ARX: variants seen among roughly 807,000 people sequenced by gnomAD.
ARX encodes the protein aristaless related homeobox, also known as homeobox protein ARX.
Under a neutral mutation model 23.1 loss-of-function variants are expected in ARX, and 1 was observed. That is an observed-to-expected ratio of 0.04 (90% CI 0.02 to 0.21). The LOEUF (loss-of-function observed/expected upper bound fraction) is 0.21. Among genes scored for constraint, ARX ranks in the 10% least tolerant of loss-of-function variants. ARX has a pLI of 1.00. For missense variants in ARX, 380 were observed against 527.5 expected, an observed-to-expected ratio of 0.72 and a Z score of 2.74; for synonymous variants, 301 against 270.1, an observed-to-expected ratio of 1.11 and a Z score of -1.12.
chrX:25,014,654 G>A (rs1436591409), intron 1 of ARX, among the ~76,000 whole-genome samples: 1 of 113,223 alleles, frequency 8.8e-6, no homozygotes, highest in Non-Finnish European at 1.9e-5. Flanking sequence ...GGAAGCGCCT[G>A]GCATAGGTGC....
chrX:25,004,817 C>G lies in ARX; in HGVS notation c.1542G>C (p.Ser514=), dbSNP rs1240255602. ...CCGTGGCCGGGTCGGCCAGGGCGCCCGATGCCACTGCGCCCTCCACGGCGG... is the reference window on the plus strand; with the variant it reads ...CCGTGGCCGGGTCGGCCAGGGCGCCGGATGCCACTGCGCCCTCCACGGCGG... ...PTPAVEGAVA[S]GALADPATAA... The change falls in exon 5 of 5, where the codon TCG becomes TCC. Residue 514 remains serine, a synonymous_variant. Transcript: ENST00000379044. The G allele has an allele frequency of 1.7e-6, 2 of 1,175,747 alleles. No individual in the cohort carries two copies. Among genetic ancestry groups the G allele is most frequent in the Non-Finnish European group, 2.3e-6 (2 of 878,104 alleles).
At chrX:25,005,152 C>T (rs902672387) in intron 4 of ARX, among the ~76,000 whole-genome samples, 1 of 112,012 alleles carries the variant, frequency 8.9e-6, no homozygotes, top group Non-Finnish European at 1.9e-5. Flanking sequence ...CCCGAGGGGC[C>T]GGGCCGGGCC....
At chrX:25,005,988 G>A (rs1181136518) in intron 4 of ARX, 6 of 111,514 alleles carry the variant, frequency 5.4e-5, no homozygotes, top group Admixed American at 1.9e-4. Flanking sequence ...ACCGAGCGCC[G>A]CCTCCTTCTC....
rs1216955119 is a variant in ARX at position 25,010,951 on chromosome X, CCTCCTGA to C, written c.1074-653_1074-647del. 9.0e-5 allele frequency among the ~76,000 whole-genome samples: 10 copies of C among 111,347 alleles called. No homozygotes were observed. The Admixed American group carries it at 9.5e-4, about 11-fold the overall frequency. Reference sequence around the variant, plus strand: ...TTTCGATTAAACAAAATTCTGCGCACCTCCTGACTCCAATGCCCACTACAAACCCTGC... The same window carrying C: ...TTTCGATTAAACAAAATTCTGCGCACCTCCAATGCCCACTACAAACCCTGC... On this transcript the variant is annotated intron_variant, in intron 2 of 4. Coordinates refer to ENST00000379044, the MANE Select transcript of ARX (RefSeq NM_139058.3).
At chrX:25,005,759 G>A (rs2048675211) in intron 4 of ARX, among the ~76,000 whole-genome samples, 2 of 112,644 alleles carry the variant, frequency 1.8e-5, no homozygotes, top group African/African-American at 6.4e-5. Context: ...CCGCCTCCAA[G>A]CGGCGACCGA....
intron 1 of ARX, 145 bp downstream of exon 1, chrX:25,015,397 G>A (rs1224791144): frequency 1.3e-6 from 1 of 774,584 alleles, no homozygotes; most frequent in African/African-American, 2.1e-5. Flanking sequence ...GATGTTTAAC[G>A]CTCTTTGAGG....
At chrX:25,014,307 G>A (rs1464224243) in intron 1 of ARX, among the ~76,000 whole-genome samples, 1 of 111,444 alleles carries the variant, frequency 9.0e-6, no homozygotes, top group African/African-American at 3.3e-5. Context: ...CCCACGTCGG[G>A]GCAGAGGAAA....
chrX:25,008,740 A>G (rs938606655), intron 3 of ARX, among the ~76,000 whole-genome samples: 3 of 110,414 alleles, frequency 2.7e-5, no homozygotes, highest in Non-Finnish European at 3.8e-5. Context: ...AAAATGTGAA[A>G]CACATCCATA....
At position 25,008,254 on chromosome X, in the gene ARX, G is replaced by T. The variant is rs376314196; in HGVS notation, c.1120-815C>A. 1.1e-4 allele frequency among the ~76,000 whole-genome samples: 12 copies of T among 112,930 alleles called. No individual in the cohort carries two copies. In the South Asian group the frequency reaches 4.4e-3, roughly 41 times the overall value. On this transcript the variant is annotated intron_variant, in intron 3 of 4. Coordinates refer to ENST00000379044, the MANE Select transcript of ARX (RefSeq NM_139058.3). ...GGATCCCTGCAGGACCCAGTTCTAT[G>T]CAGGAAGGCACTGACTACATGGATG...
At position 25,004,632 on chromosome X, in the gene ARX, T is replaced by TCGGGGCGCGCG; in HGVS notation, c.*27_*37dup. On this transcript the variant is annotated 3_prime_UTR_variant, in exon 5 of 5. Coordinates refer to ENST00000379044, the MANE Select transcript of ARX (RefSeq NM_139058.3). The stretch of plus-strand genomic sequence containing the variant: ...GAGTGGTGCTGAGTGAGGTGACCTT[T>TCGGGGCGCGCG]CGGGGCGCGCGCGGGGCGCGGGTGT... The TCGGGGCGCGCG allele has an allele frequency of 4.3e-6, 5 of 1,163,571 alleles. No individual in the cohort carries two copies. Among genetic ancestry groups the TCGGGGCGCGCG allele is most frequent in the Non-Finnish European group, 5.7e-6 (5 of 872,620 alleles).
chrX:25,007,085 G>C (rs1450865447), intron 4 of ARX, 26 bp downstream of exon 4: 5 of 1,175,843 alleles, frequency 4.3e-6, no homozygotes, highest in Non-Finnish European at 5.7e-6. Context: ...CAGACAGACA[G>C]ACAGACTTCC....
At chrX:25,007,505 G>GTCCCT in intron 3 of ARX, 66 bp from the exon 4 acceptor site, 1 of 1,104,897 alleles carries the variant, frequency 9.1e-7, no homozygotes, top group Non-Finnish European at 1.2e-6. Flanking sequence ...GCCCCTACCC[G>GTCCCT]TCCCTTCCCT....
At chrX:25,012,102 C>A (rs2048704660) in intron 2 of ARX, among the ~76,000 whole-genome samples, 1 of 112,710 alleles carries the variant, frequency 8.9e-6, no homozygotes, top group African/African-American at 3.2e-5. Flanking sequence ...AGGTCGAACA[C>A]CCGGCTTGGA....
Position 25,004,533 on chromosome X carries a change from ACTGCTGTGAAGGCGG to A in ARX, c.*122_*136del. 3 of 1,063,367 alleles carry A rather than the reference ACTGCTGTGAAGGCGG, an allele frequency of 2.8e-6. No individual in the cohort carries two copies. Among genetic ancestry groups the A allele is most frequent in the Non-Finnish European group, 3.8e-6 (3 of 795,741 alleles). 87.6% of individuals were successfully genotyped at this position (1,063,367 alleles called of 1,213,427 possible). On this transcript the variant is annotated 3_prime_UTR_variant, in exon 5 of 5. Transcript: ENST00000379044. ...CGAGGGCTGCCATGCCCGCATCCAG[ACTGCTGTGAAGGCGG>A]CTGCGCTCTCTCAGTGCCGTCTCGG... is the stretch of plus-strand genomic sequence containing the variant.
At chrX:25,009,173 A>C (rs988738841) in intron 3 of ARX, among the ~76,000 whole-genome samples, 5 of 111,762 alleles carry the variant, frequency 4.5e-5, no homozygotes, top group Non-Finnish European at 7.5e-5. Context: ...AATTATCAAG[A>C]TGTCCCCCTG....
chrX:25,010,191 A>AC, intron 3 of ARX, 69 bp downstream of exon 3: 7 of 930,468 alleles, frequency 7.5e-6, no homozygotes, highest in South Asian at 2.0e-5. Context: ...CCCGCCACCA[A>AC]CCCATCTCTC....
At chrX:25,006,451 TTGTC>T (rs759053685) in intron 4 of ARX, 9 of 112,991 alleles carry the variant, frequency 8.0e-5, no homozygotes, top group Non-Finnish European at 1.3e-4. Context: ...CTTTGTTTCT[TTGTC>T]TGTGTGATTA....
At chrX:25,006,352 T>A (rs1340577697) in intron 4 of ARX, among the ~76,000 whole-genome samples, 1 of 112,650 alleles carries the variant, frequency 8.9e-6, no homozygotes, top group Non-Finnish European at 1.9e-5. Flanking sequence ...CGCAGTTGGA[T>A]GAATCTATTA....
intron 1 of ARX, among the ~76,000 whole-genome samples, chrX:25,014,595 C>CAG (rs1354640834): frequency 8.8e-6 from 1 of 113,052 alleles, no homozygotes; most frequent in African/African-American, 3.2e-5. Flanking sequence ...AGGTCTGGGG[C>CAG]AGAGAGGGAG....
Sources: allele counts gnomAD v4.1 joint callset (sites outside exome capture counted in the v4.1 genomes callset), GRCh38; gene constraint gnomAD v4.1.1; transcripts MANE v1.5; gene names NCBI Gene and HGNC (gene_info 2026-07-23, HGNC 2026-07-21).